Variants in ABCB1 observed in about 807,000 individuals in gnomAD.
ABCB1 encodes ATP binding cassette subfamily B member 1.
Under a neutral mutation model 142.0 loss-of-function variants are expected in ABCB1, and 69 were observed. The observed-to-expected ratio is 0.49, with a 90% CI of 0.40 to 0.59. The LOEUF is 0.59. Among genes scored for constraint, ABCB1 ranks in the 20% least tolerant of loss-of-function variants. The pLI is 0.00. For synonymous variants in ABCB1, 532 were observed against 539.2 expected (o/e 0.99, Z 0.18); for missense variants, 1,326 against 1,554.7 (o/e 0.85, Z 2.47).
intron 26 of ABCB1, among the ~76,000 whole-genome samples, chr7:87,507,665 G>C (rs1814808488): frequency 6.6e-6 from 1 of 152,130 alleles, no homozygotes. Context: ...GAGCCACCTG[G>C]TGTTGCTTGC....
At chr7:87,700,689 T>C (rs1782362208) in intron 1 of ABCB1, 2 of 753,172 alleles carry the variant, frequency 2.7e-6, no homozygotes, top group Non-Finnish European at 2.1e-6. Flanking sequence ...TGTTCTGTGA[T>C]GTTTCTACAT....
Position 87,566,168 on chromosome 7 carries a change from T to A in ABCB1, c.604A>T (p.Thr202Ser). The A allele has an allele frequency of 6.2e-7, 1 of 1,614,176 alleles. No homozygotes were observed. The highest frequency in any genetic ancestry group is 8.5e-7 in the Non-Finnish European group (1 of 1,179,998). ...MFFQSMATFF[T>S]GFIVGFTRGW... is the part of the protein sequence containing the mutation. The stretch of plus-strand genomic sequence containing the variant: ...CGTGTAAATCCTACTATAAACCCAG[T>A]GAAAAATGTTGCCATTGACTGAAAG... Residue 202 changes from threonine to serine, a missense_variant, in exon 7 of 28, where the codon ACT (threonine) becomes TCT (serine). Thr to Ser is a moderately conservative substitution (Grantham distance 58, BLOSUM62 1). Transcript: ENST00000622132.
intron 1 of ABCB1, among the ~76,000 whole-genome samples, chr7:87,646,776 G>A (rs1489018456): frequency 2.0e-5 from 3 of 152,126 alleles, no homozygotes; most frequent in Non-Finnish European, 4.4e-5. Context: ...TTGTCACTGA[G>A]ATGGACGTAG....
chr7:87,541,246 G>A, intron 18 of ABCB1, 111 bp downstream of exon 18: 1 of 761,690 alleles, frequency 1.3e-6, no homozygotes, highest in Non-Finnish European at 2.2e-6. Flanking sequence ...TAGTAGCCAT[G>A]TTAATAGAGA....
chr7:87,638,416 C>T (rs1822056907), intron 1 of ABCB1, among the ~76,000 whole-genome samples: 1 of 149,384 alleles, frequency 6.7e-6, no homozygotes, highest in Admixed American at 6.7e-5. Context: ...TTGTGTAAGA[C>T]TGATATTTCT....
chr7:87,647,660 A>G (rs1272640582), intron 1 of ABCB1, among the ~76,000 whole-genome samples: 1 of 152,164 alleles, frequency 6.6e-6, no homozygotes, highest in Non-Finnish European at 1.5e-5. Context: ...CGTGGTTTCA[A>G]TTTGAATTAC....
chr7:87,671,570 A>G (rs1825826762), intron 1 of ABCB1, among the ~76,000 whole-genome samples: 1 of 152,160 alleles, frequency 6.6e-6, no homozygotes, highest in African/African-American at 2.4e-5. Flanking sequence ...GCAAAACAGC[A>G]AAGATGAGAG....
At chr7:87,552,083 G>A (rs1250442496) in intron 9 of ABCB1, among the ~76,000 whole-genome samples, 4 of 152,212 alleles carry the variant, frequency 2.6e-5, no homozygotes, top group Middle Eastern at 3.4e-3. Context: ...AACATTTTTT[G>A]TTAATTATAA....
intron 26 of ABCB1, 32 bp downstream of exon 26, chr7:87,509,243 C>G (rs769212944): frequency 1.2e-6 from 2 of 1,610,070 alleles, no homozygotes; most frequent in Admixed American, 3.3e-5. Flanking sequence ...CTGCCACATG[C>G]TCCCAGGCTG....
intron 6 of ABCB1, 96 bp downstream of exon 6, chr7:87,566,689 G>T: frequency 2.4e-6 from 3 of 1,234,376 alleles, no homozygotes; most frequent in Non-Finnish European, 2.4e-6. Flanking sequence ...ACCTTTGAAT[G>T]ATACATTAAC....
At chr7:87,656,264 A>T (rs1004230775) in intron 1 of ABCB1, among the ~76,000 whole-genome samples, 1 of 152,090 alleles carries the variant, frequency 6.6e-6, no homozygotes, top group African/African-American at 2.4e-5. Context: ...AAAAATTTTT[A>T]AATAATTTTT....
intron 1 of ABCB1, among the ~76,000 whole-genome samples, chr7:87,711,858 TC>T (rs1282048471): frequency 2.0e-5 from 3 of 152,162 alleles, no homozygotes; most frequent in Non-Finnish European, 4.4e-5. Flanking sequence ...CGTTCTTTTT[TC>T]TACCTCATTA....
At chr7:87,590,398 T>C (rs892648597) in intron 3 of ABCB1, among the ~76,000 whole-genome samples, 1 of 151,914 alleles carries the variant, frequency 6.6e-6, no homozygotes, top group Non-Finnish European at 1.5e-5. Context: ...GACAAACACA[T>C]AAAAAAGAAA....
intron 1 of ABCB1, among the ~76,000 whole-genome samples, chr7:87,626,992 T>C (rs1327161581): frequency 6.6e-6 from 1 of 152,066 alleles, no homozygotes; most frequent in Non-Finnish European, 1.5e-5. Flanking sequence ...GTCAGGCTGG[T>C]CTCGAACTCC....
intron 20 of ABCB1, among the ~76,000 whole-genome samples, chr7:87,535,584 G>C (rs550790114): frequency 9.9e-5 from 15 of 152,242 alleles, no homozygotes; most frequent in Admixed American, 3.9e-4. Flanking sequence ...ACTAAGAGGA[G>C]CTGGTACTAT....
At chr7:87,559,109 T>C (rs1236072303) in intron 8 of ABCB1, among the ~76,000 whole-genome samples, 1 of 152,170 alleles carries the variant, frequency 6.6e-6, no homozygotes, top group Non-Finnish European at 1.5e-5. Flanking sequence ...CACAACTTTT[T>C]TTTTCCATTT....
intron 12 of ABCB1, 24 bp from the exon 13 acceptor site, chr7:87,550,078 T>G: frequency 6.2e-7 from 1 of 1,614,112 alleles, no homozygotes; most frequent in Non-Finnish European, 8.5e-7. Flanking sequence ...TAAGTGTGAC[T>G]TTCATACATT....
At chr7:87,592,387 A>T (rs2129963908) in intron 3 of ABCB1, among the ~76,000 whole-genome samples, 1 of 152,360 alleles carries the variant, frequency 6.6e-6, no homozygotes, top group African/African-American at 2.4e-5. Context: ...TTTTATGATT[A>T]TTGCAGCTGT....
intron 5 of ABCB1, among the ~76,000 whole-genome samples, chr7:87,568,413 C>CA (rs576532820): frequency 0.24 from 33,806 of 139,258 alleles, 4,456 homozygotes; most frequent in African/African-American, 0.38. Context: ...AACTCCATCT[C>CA]AAAAAAAAAA....
Sources: allele counts gnomAD v4.1 joint callset (sites outside exome capture counted in the v4.1 genomes callset), GRCh38; gene constraint gnomAD v4.1.1; transcripts MANE v1.5; gene names NCBI Gene and HGNC (gene_info 2026-07-23, HGNC 2026-07-21).